The following HCN1 variants were observed in gnomAD, a reference collection of about 807,000 sequenced individuals.
The protein encoded by HCN1 is hyperpolarization activated cyclic nucleotide gated potassium channel 1.
A neutral mutation model predicts 78.9 loss-of-function variants in HCN1; 13 were observed. The observed-to-expected ratio is 0.16, with a 90% CI of 0.11 to 0.26. The LOEUF (loss-of-function observed/expected upper bound fraction) is 0.26. Ranked by LOEUF, HCN1 falls within the 10% of genes least tolerant of loss-of-function variation. The probability of loss-of-function intolerance (pLI) is 1.00; values close to 1 mark genes in which losing one functional copy is unlikely to be tolerated. For missense variants in HCN1, 810 were observed against 1,154.3 expected (o/e 0.70, Z 4.32); for synonymous variants, 552 against 455.5 (o/e 1.21, Z -2.70).
rs150918783 is a variant in HCN1 at position 45,488,448 on chromosome 5, T to G, written c.850-26441A>C. Reference sequence around the variant, plus strand: ...CTTAATTTCTCCATATCTCAATAATTTATATCAAACAGCAGGGACTGTTTA... The same window carrying G: ...CTTAATTTCTCCATATCTCAATAATGTATATCAAACAGCAGGGACTGTTTA... On this transcript the variant is annotated intron_variant, in intron 2 of 7. Transcript: ENST00000303230. Among the ~76,000 whole-genome samples, 345 of 152,246 alleles carry G rather than the reference T, an allele frequency of 2.3e-3. 1 individual carries two copies. The highest frequency in any genetic ancestry group is 4.1e-3 in the Non-Finnish European group (280 of 67,992).
intron 4 of HCN1, among the ~76,000 whole-genome samples, chr5:45,394,490 T>C (rs1459242647): frequency 1.3e-5 from 2 of 152,222 alleles, no homozygotes; most frequent in East Asian, 3.8e-4. Flanking sequence ...GCTATAAGAT[T>C]AAATTGAAAT....
chr5:45,686,204 A>G (rs1043997251), intron 1 of HCN1, among the ~76,000 whole-genome samples: 1 of 151,702 alleles, frequency 6.6e-6, no homozygotes, highest in African/African-American at 2.4e-5. Context: ...ACAGTTCCTA[A>G]TATTGTTACC....
chr5:45,584,890 A>G (rs1258929942), intron 2 of HCN1, among the ~76,000 whole-genome samples: 8 of 152,212 alleles, frequency 5.3e-5, no homozygotes, highest in Admixed American at 5.2e-4. Context: ...AGTTTCTGCC[A>G]AGAGATCAGC....
intron 2 of HCN1, among the ~76,000 whole-genome samples, chr5:45,479,873 C>T (rs1741610497): frequency 6.6e-6 from 1 of 152,186 alleles, no homozygotes; most frequent in Admixed American, 6.5e-5. Context: ...CTAATCATTT[C>T]ACATACCATT....
intron 4 of HCN1, among the ~76,000 whole-genome samples, chr5:45,359,086 A>G (rs970158351): frequency 1.1e-4 from 16 of 151,982 alleles, no homozygotes; most frequent in African/African-American, 3.9e-4. Context: ...CATATTTTGT[A>G]TGACTCCTGT....
chr5:45,499,237 C>G lies in HCN1; in HGVS notation c.850-37230G>C, dbSNP rs116665124. Among the ~76,000 whole-genome samples the G allele has an allele frequency of 8.0e-3, 1,220 of 152,262 alleles. 23 individuals are homozygous for G. Among genetic ancestry groups the G allele is most frequent in the African/African-American group, 0.028 (1,176 of 41,546 alleles). On this transcript the variant is annotated intron_variant, in intron 2 of 7. Transcript: ENST00000303230. Reference sequence around the variant, plus strand: ...TGCTGTGCTAGTAATCAGCAGGACTCCATGCGCATGCACGTAGGCCCCTCC... The same window carrying G: ...TGCTGTGCTAGTAATCAGCAGGACTGCATGCGCATGCACGTAGGCCCCTCC...
At chr5:45,408,676 T>C (rs1158777784) in intron 3 of HCN1, among the ~76,000 whole-genome samples, 1 of 152,228 alleles carries the variant, frequency 6.6e-6, no homozygotes, top group Admixed American at 6.5e-5. Context: ...TTTAAATTAA[T>C]TTTATGAACT....
At chr5:45,525,007 C>T (rs923641222) in intron 2 of HCN1, among the ~76,000 whole-genome samples, 7 of 152,012 alleles carry the variant, frequency 4.6e-5, no homozygotes, top group Non-Finnish European at 1.0e-4. Context: ...TCATAAATAG[C>T]TCTTATTATT....
At chr5:45,489,946 A>G (rs562946204) in intron 2 of HCN1, among the ~76,000 whole-genome samples, 89 of 152,318 alleles carry the variant, frequency 5.8e-4, no homozygotes, top group African/African-American at 2.0e-3. Context: ...CGTTTCAGAT[A>G]AACAGTGAAT....
intron 6 of HCN1, among the ~76,000 whole-genome samples, chr5:45,301,765 C>T (rs1745626885): frequency 6.6e-6 from 1 of 150,658 alleles, no homozygotes; most frequent in Non-Finnish European, 1.5e-5. Flanking sequence ...TCCATTATTT[C>T]CCAGTGTGTA....
intron 6 of HCN1, among the ~76,000 whole-genome samples, chr5:45,274,424 G>T (rs1428064996): frequency 6.6e-6 from 1 of 152,142 alleles, no homozygotes; most frequent in East Asian, 1.9e-4. Context: ...CTTCAGACAA[G>T]CTATGTGTTA....
At chr5:45,648,650 G>T (rs1041234647) in intron 1 of HCN1, among the ~76,000 whole-genome samples, 9 of 149,952 alleles carry the variant, frequency 6.0e-5, no homozygotes, top group African/African-American at 2.3e-4. Flanking sequence ...TTACCTAATT[G>T]CCCATGAGTC....
At chr5:45,654,980 C>T (rs1745739530) in intron 1 of HCN1, among the ~76,000 whole-genome samples, 1 of 152,106 alleles carries the variant, frequency 6.6e-6, no homozygotes, top group Non-Finnish European at 1.5e-5. Context: ...TGTTACTCTA[C>T]AGATGTCAAA....
intron 1 of HCN1, among the ~76,000 whole-genome samples, chr5:45,682,708 G>T (rs891261641): frequency 6.6e-6 from 1 of 151,498 alleles, no homozygotes; most frequent in Admixed American, 6.6e-5. Flanking sequence ...AACAATACTC[G>T]AAGTAAAGAA....
chr5:45,328,329 T>C (rs914680679), intron 5 of HCN1, among the ~76,000 whole-genome samples: 6 of 151,570 alleles, frequency 4.0e-5, no homozygotes, highest in Non-Finnish European at 7.4e-5. Flanking sequence ...TCTCAGCATA[T>C]AATTTTTTTC....
chr5:45,313,142 C>G lies in HCN1; in HGVS notation c.1378-9303G>C, dbSNP rs564587708. ...AGTAGGGGCAGACTGACACCTCACACGGCAGAGTACCCCTCTGAGATGAAG... is the reference window on the plus strand; with the variant it reads ...AGTAGGGGCAGACTGACACCTCACAGGGCAGAGTACCCCTCTGAGATGAAG... On this transcript the variant is annotated intron_variant, in intron 5 of 7. Coordinates refer to ENST00000303230, the MANE Select transcript of HCN1 (RefSeq NM_021072.4). 5.8e-4 allele frequency among the ~76,000 whole-genome samples: 88 copies of G among 152,286 alleles called. 1 individual carries two copies. Among genetic ancestry groups the G allele is most frequent in the Admixed American group, 7.8e-4 (12 of 15,294 alleles).
intron 6 of HCN1, among the ~76,000 whole-genome samples, chr5:45,279,449 G>A (rs1307164417): frequency 6.6e-6 from 1 of 152,034 alleles, no homozygotes; most frequent in South Asian, 2.1e-4. Flanking sequence ...GAAGGATAAG[G>A]ATGAGAAATG....
chr5:45,565,812 A>G (rs988550064), intron 2 of HCN1, among the ~76,000 whole-genome samples: 1 of 152,192 alleles, frequency 6.6e-6, no homozygotes, highest in Non-Finnish European at 1.5e-5. Context: ...CAAAACAACA[A>G]CAACAACAAT....
chr5:45,530,225 T>C (rs1055230799), intron 2 of HCN1, among the ~76,000 whole-genome samples: 1 of 152,010 alleles, frequency 6.6e-6, no homozygotes, highest in African/African-American at 2.4e-5. Flanking sequence ...TCCTAAATCA[T>C]GGGCTTAACT....
Sources: gnomAD v4.1 joint callset for allele counts (sites outside exome capture counted in the v4.1 genomes callset) on GRCh38, gnomAD v4.1.1 for gene constraint, MANE v1.5 for transcripts, NCBI Gene and HGNC (gene_info 2026-07-23, HGNC 2026-07-21) for gene names.